PRKCH: variants seen among roughly 807,000 people sequenced by gnomAD.
The protein encoded by PRKCH is protein kinase C eta, also known as protein kinase C eta type.
A neutral mutation model predicts 82.5 loss-of-function variants in PRKCH; 28 were observed. The ratio of observed to expected loss-of-function variants is 0.34; its 90% CI spans 0.25 to 0.47. The LOEUF (loss-of-function observed/expected upper bound fraction) is 0.47, where lower values mean the gene tolerates loss of function less well. Ranked by LOEUF, PRKCH falls within the 20% of genes least tolerant of loss-of-function variation. The pLI, the probability that PRKCH is intolerant of heterozygous loss-of-function variation, is 1.00. For synonymous variants in PRKCH, 322 were observed against 327.4 expected (o/e 0.98, Z 0.18); for missense variants, 705 against 881.8 (o/e 0.80, Z 2.54).
At chr14:61,436,128 C>T (rs1252277046) in intron 2 of PRKCH, among the ~76,000 whole-genome samples, 1 of 152,184 alleles carries the variant, frequency 6.6e-6, no homozygotes, top group African/African-American at 2.4e-5. Context: ...TGCAGATGCT[C>T]ACATGCAACG....
chr14:61,525,499 C>G (rs1229632350), intron 10 of PRKCH, among the ~76,000 whole-genome samples: 2 of 152,192 alleles, frequency 1.3e-5, no homozygotes, highest in Non-Finnish European at 2.9e-5. Flanking sequence ...CTTGCGTCTT[C>G]TGAGAGCTGC....
intron 1 of PRKCH, among the ~76,000 whole-genome samples, chr14:61,327,568 G>A (rs1022298001): frequency 6.6e-6 from 1 of 152,204 alleles, no homozygotes; most frequent in Non-Finnish European, 1.5e-5. Flanking sequence ...ATCACAAACA[G>A]GTTGTGGCTC....
intron 1 of PRKCH, among the ~76,000 whole-genome samples, chr14:61,190,373 A>T (rs2044399150): frequency 6.6e-6 from 1 of 152,186 alleles, no homozygotes; most frequent in Non-Finnish European, 1.5e-5. Context: ...AGAGACCAGT[A>T]GTTGCTTCCC....
intron 10 of PRKCH, among the ~76,000 whole-genome samples, chr14:61,512,831 G>C (rs1222672827): frequency 6.6e-6 from 1 of 151,968 alleles, no homozygotes; most frequent in African/African-American, 2.4e-5. Context: ...AAGTTTGTTT[G>C]TTCATTTATT....
chr14:61,450,540 T>C (rs1372804379), intron 5 of PRKCH, among the ~76,000 whole-genome samples: 1 of 152,206 alleles, frequency 6.6e-6, no homozygotes, highest in Non-Finnish European at 1.5e-5. Context: ...TGTTAGGGGA[T>C]TGGCAAGGAG....
At chr14:61,433,271 C>G (rs555879954) in intron 2 of PRKCH, among the ~76,000 whole-genome samples, 1 of 152,078 alleles carries the variant, frequency 6.6e-6, no homozygotes, top group Non-Finnish European at 1.5e-5. Context: ...CGGCAGCATA[C>G]TCCTCATGGC....
chr14:61,548,017 A>G (rs2043281507), intron 13 of PRKCH, 131 bp downstream of exon 13: 1 of 1,228,486 alleles, frequency 8.1e-7, no homozygotes, highest in Non-Finnish European at 1.1e-6. Context: ...TGCACAGGGC[A>G]GCCTCCCCTG....
chr14:61,478,951 C>T (rs1210702947), intron 9 of PRKCH, among the ~76,000 whole-genome samples: 1 of 152,026 alleles, frequency 6.6e-6, no homozygotes, highest in African/African-American at 2.4e-5. Context: ...TTTCTTAAGG[C>T]TATGCAAAAA....
intron 10 of PRKCH, among the ~76,000 whole-genome samples, chr14:61,508,185 T>C (rs769494151): frequency 1.8e-4 from 28 of 152,274 alleles, no homozygotes; most frequent in Admixed American, 3.3e-4. Flanking sequence ...TGATAAAAGC[T>C]ACTGTATTTC....
chr14:61,406,926 C>A (rs1345429160), intron 2 of PRKCH, among the ~76,000 whole-genome samples: 1 of 151,928 alleles, frequency 6.6e-6, no homozygotes, highest in Non-Finnish European at 1.5e-5. Context: ...TTTACTCTGT[C>A]AGGGGTTTGC....
intron 10 of PRKCH, among the ~76,000 whole-genome samples, chr14:61,519,747 A>T (rs908858246): frequency 2.0e-5 from 3 of 152,196 alleles, no homozygotes; most frequent in African/African-American, 7.2e-5. Context: ...TGCTGCTTTT[A>T]GTAGGAAATT....
chr14:61,194,318 A>G (rs975991207), intron 1 of PRKCH, among the ~76,000 whole-genome samples: 6 of 152,294 alleles, frequency 3.9e-5, no homozygotes, highest in East Asian at 3.9e-4. Context: ...CTTCAAATTC[A>G]TATGTTGAAA....
At chr14:61,379,030 C>T (rs1594640306) in intron 1 of PRKCH, among the ~76,000 whole-genome samples, 1 of 152,226 alleles carries the variant, frequency 6.6e-6, no homozygotes, top group South Asian at 2.1e-4. Context: ...CAGTGGCTCC[C>T]CATTGCCCTG....
At chr14:61,439,617 G>A (rs373251717) in intron 2 of PRKCH, among the ~76,000 whole-genome samples, 2 of 147,730 alleles carry the variant, frequency 1.4e-5, no homozygotes, top group Non-Finnish European at 2.9e-5. Flanking sequence ...CCTGCTGTGG[G>A]AACAGTGGGT....
At chr14:61,442,380 G>A (rs926511157) in intron 2 of PRKCH, among the ~76,000 whole-genome samples, 1 of 152,182 alleles carries the variant, frequency 6.6e-6, no homozygotes, top group Non-Finnish European at 1.5e-5. Context: ...AGCTCTCATA[G>A]TCTGTGCTGT....
At chr14:61,476,508 T>C (rs919056911) in intron 9 of PRKCH, 2 of 152,230 alleles carry the variant, frequency 1.3e-5, no homozygotes, top group African/African-American at 4.8e-5. Context: ...ATTTATGCTT[T>C]AAAGAACATC....
At chr14:61,462,679 A>G (rs1029090687) in intron 9 of PRKCH, among the ~76,000 whole-genome samples, 3 of 152,238 alleles carry the variant, frequency 2.0e-5, no homozygotes, top group Non-Finnish European at 2.9e-5. Flanking sequence ...CCAGTGTTGC[A>G]GGCCCTGGCT....
intron 1 of PRKCH, among the ~76,000 whole-genome samples, chr14:61,309,373 G>A (rs2045505136): frequency 6.6e-6 from 1 of 152,224 alleles, no homozygotes; most frequent in Non-Finnish European, 1.5e-5. Context: ...GGGGCCAAAG[G>A]ATGAGGTGAA....
intron 10 of PRKCH, among the ~76,000 whole-genome samples, chr14:61,494,738 C>G (rs551301798): frequency 1.3e-5 from 2 of 152,352 alleles, no homozygotes; most frequent in African/African-American, 4.8e-5. Context: ...CAATTATTCT[C>G]AAGACACTGC....
Sources: gnomAD v4.1 joint callset for allele counts (sites outside exome capture counted in the v4.1 genomes callset) on GRCh38, gnomAD v4.1.1 for gene constraint, MANE v1.5 for transcripts, NCBI Gene and HGNC (gene_info 2026-07-23, HGNC 2026-07-21) for gene names.